Variants in WDR7 observed in about 807,000 individuals in gnomAD.
WDR7 encodes the protein WD repeat domain 7.
A neutral mutation model predicts 169.4 loss-of-function variants in WDR7; 46 were observed. The ratio of observed to expected loss-of-function variants is 0.27; its 90% CI spans 0.21 to 0.35. WDR7 has a LOEUF of 0.35. Ranked by LOEUF, WDR7 falls within the 10% of genes least tolerant of loss-of-function variation. WDR7 has a pLI of 1.00. For synonymous variants in WDR7, 612 were observed against 666.8 expected (o/e 0.92, Z 1.27); for missense variants, 1,534 against 1,859.3 (o/e 0.83, Z 3.22).
At chr18:56,699,457 GT>G (rs1399248664) in intron 12 of WDR7, among the ~76,000 whole-genome samples, 1 of 152,184 alleles carries the variant, frequency 6.6e-6, no homozygotes. Context: ...TCAGCTAATT[GT>G]AGTTGAAAGA....
At chr18:56,926,976 A>G (rs1046069914) in intron 22 of WDR7, among the ~76,000 whole-genome samples, 9 of 152,082 alleles carry the variant, frequency 5.9e-5, no homozygotes, top group African/African-American at 1.9e-4. Flanking sequence ...TTTACTGTGT[A>G]CACAGTAACG....
intron 26 of WDR7, among the ~76,000 whole-genome samples, chr18:57,012,430 C>T (rs894371437): frequency 1.3e-5 from 2 of 149,094 alleles, no homozygotes; most frequent in African/African-American, 4.9e-5. Flanking sequence ...ACCTCCATGC[C>T]ACATGGGGTT....
chr18:56,961,096 A>G (rs752508686), intron 25 of WDR7, among the ~76,000 whole-genome samples: 3 of 152,188 alleles, frequency 2.0e-5, no homozygotes, highest in Non-Finnish European at 4.4e-5. Flanking sequence ...AATAAGTAAC[A>G]AAAGTTTAAA....
rs202069063 is a variant in WDR7 at position 56,744,270 on chromosome 18, G to A, written c.1990-12313G>A. Among the ~76,000 whole-genome samples, 167 of 91,778 alleles carry A rather than the reference G, an allele frequency of 1.8e-3. 1 individual carries two copies. The highest frequency in any genetic ancestry group is 0.018 in the East Asian group (25 of 1,400). 60.2% of individuals were successfully genotyped at this position (91,778 alleles called of 152,430 possible). A position where few individuals can be genotyped will look rare whatever the true frequency, so the allele number is the denominator to read the frequency against. On this transcript the variant is annotated intron_variant, in intron 14 of 27. Transcript: ENST00000254442. Reference sequence around the variant, plus strand: ...GAAAAAAAAAAAAAAAAAAAAAAAAGAAAGAGCACAGGCTGGGTGTCTGGA... The same window carrying A: ...GAAAAAAAAAAAAAAAAAAAAAAAAAAAAGAGCACAGGCTGGGTGTCTGGA...
At chr18:56,684,338 T>C (rs1388545482) in intron 5 of WDR7, among the ~76,000 whole-genome samples, 1 of 152,150 alleles carries the variant, frequency 6.6e-6, no homozygotes, top group Non-Finnish European at 1.5e-5. Flanking sequence ...AAACTTATAC[T>C]GTAAAGGGCC....
At chr18:56,979,093 G>T (rs760374760) in intron 26 of WDR7, among the ~76,000 whole-genome samples, 6 of 152,030 alleles carry the variant, frequency 3.9e-5, no homozygotes, top group East Asian at 1.9e-4. Flanking sequence ...TTGAAGAAAG[G>T]TTTACAGGGG....
At chr18:56,739,583 C>A (rs888409641) in intron 14 of WDR7, among the ~76,000 whole-genome samples, 1 of 152,172 alleles carries the variant, frequency 6.6e-6, no homozygotes, top group Non-Finnish European at 1.5e-5. Flanking sequence ...TTTTCTTCCT[C>A]GAAAGAACTA....
At chr18:56,682,639 G>A in intron 4 of WDR7, 40 bp from the exon 5 acceptor site, 1 of 1,590,008 alleles carries the variant, frequency 6.3e-7, no homozygotes, top group Non-Finnish European at 8.6e-7. Flanking sequence ...AATTAAAGGA[G>A]AACACTCAGA....
chr18:57,003,822 T>C (rs1657406), intron 26 of WDR7, among the ~76,000 whole-genome samples: 12,861 of 152,092 alleles, frequency 0.085, 1,461 homozygotes, highest in African/African-American at 0.26. Context: ...CTGACTCCAC[T>C]TCATTCCTTG....
intron 25 of WDR7, among the ~76,000 whole-genome samples, chr18:56,952,821 A>ACTAAATGCATATTT (rs2047201671): frequency 6.6e-6 from 1 of 152,248 alleles, no homozygotes. Context: ...AATGCATATT[A>ACTAAATGCATATTT]CTAAATGCAA....
chr18:56,994,705 T>C (rs2047872537), intron 26 of WDR7, among the ~76,000 whole-genome samples: 1 of 152,214 alleles, frequency 6.6e-6, no homozygotes, highest in South Asian at 2.1e-4. Flanking sequence ...GTAAACCATC[T>C]ATCCATGAAC....
chr18:56,850,399 G>C (rs559741659), intron 20 of WDR7, among the ~76,000 whole-genome samples: 1 of 152,212 alleles, frequency 6.6e-6, no homozygotes, highest in Admixed American at 6.5e-5. Flanking sequence ...ATATTGGTTA[G>C]ATGATTGAAT....
chr18:56,801,636 A>G (rs889589838), intron 19 of WDR7, among the ~76,000 whole-genome samples: 10 of 152,150 alleles, frequency 6.6e-5, no homozygotes, highest in Admixed American at 5.2e-4. Context: ...ATCCCTGGCA[A>G]TCACTCATCT....
intron 21 of WDR7, among the ~76,000 whole-genome samples, chr18:56,900,256 A>C (rs1048142317): frequency 6.6e-6 from 1 of 151,976 alleles, no homozygotes; most frequent in Non-Finnish European, 1.5e-5. Flanking sequence ...TGATTTTGTA[A>C]AGAAAAGAGA....
intron 20 of WDR7, among the ~76,000 whole-genome samples, chr18:56,855,633 G>T (rs894363101): frequency 2.0e-5 from 3 of 152,020 alleles, no homozygotes; most frequent in Non-Finnish European, 2.9e-5. Flanking sequence ...GACCCTGGGG[G>T]GTTTTTGCTT....
chr18:56,944,522 CTTTG>C (rs1309540314), intron 25 of WDR7, among the ~76,000 whole-genome samples: 42 of 152,066 alleles, frequency 2.8e-4, no homozygotes, highest in Admixed American at 2.2e-3. Flanking sequence ...AACTGAATTT[CTTTG>C]TTCTGTGATA....
At chr18:56,978,076 C>T (rs1412608293) in intron 26 of WDR7, among the ~76,000 whole-genome samples, 1 of 152,138 alleles carries the variant, frequency 6.6e-6, no homozygotes, top group East Asian at 1.9e-4. Context: ...ACTTACATGC[C>T]ATTATACCTA....
chr18:56,995,647 A>T (rs2047888576), intron 26 of WDR7, among the ~76,000 whole-genome samples: 1 of 152,128 alleles, frequency 6.6e-6, no homozygotes, highest in African/African-American at 2.4e-5. Context: ...AAATTTCTAA[A>T]ATTTAGTCCT....
At chr18:56,775,977 G>C (rs75998466) in intron 16 of WDR7, among the ~76,000 whole-genome samples, 4,001 of 152,192 alleles carry the variant, frequency 0.026, 70 homozygotes, top group African/African-American at 0.051. Context: ...GTGTCAAATG[G>C]TGACCTCTAA....
Sources: allele counts gnomAD v4.1 joint callset (sites outside exome capture counted in the v4.1 genomes callset), GRCh38; gene constraint gnomAD v4.1.1; transcripts MANE v1.5; gene names NCBI Gene and HGNC (gene_info 2026-07-23, HGNC 2026-07-21).